The following RBFOX1 variants were observed in gnomAD, a reference collection of about 807,000 sequenced individuals.
The protein encoded by RBFOX1 is RNA binding protein fox-1 homolog 1.
In RBFOX1, 8 loss-of-function variants were observed where a neutral mutation model predicts 57.7. The observed-to-expected ratio is 0.14, with a 90% CI of 0.08 to 0.25. The LOEUF (loss-of-function observed/expected upper bound fraction) is 0.25, where lower values mean the gene tolerates loss of function less well. Among genes scored for constraint, RBFOX1 ranks in the 10% least tolerant of loss-of-function variants. The pLI is 1.00. For missense variants in RBFOX1, 611 were observed against 548.5 expected (o/e 1.11, Z -1.14); for synonymous variants, 326 against 222.4 (o/e 1.47, Z -4.15).
chr16:5,640,612 A>G (rs1403956393), intron 3 of RBFOX1, among the ~76,000 whole-genome samples: 4 of 152,116 alleles, frequency 2.6e-5, no homozygotes, highest in Non-Finnish European at 5.9e-5. Context: ...ACACATGCGC[A>G]TACATATGCA....
At chr16:6,116,690 C>T (rs1261325524) in intron 1 of RBFOX1, among the ~76,000 whole-genome samples, 3 of 152,132 alleles carry the variant, frequency 2.0e-5, no homozygotes, top group Admixed American at 6.5e-5. Flanking sequence ...CTTTCATTGC[C>T]GTTTAATCAA....
At chr16:7,464,401 A>G (rs2060119351) in intron 4 of RBFOX1, among the ~76,000 whole-genome samples, 1 of 152,050 alleles carries the variant, frequency 6.6e-6, no homozygotes, top group Non-Finnish European at 1.5e-5. Context: ...ATCCAAGATC[A>G]AACAAGACAT....
chr16:7,473,674 AAAAG>A (rs1157997775), intron 4 of RBFOX1, among the ~76,000 whole-genome samples: 1 of 152,104 alleles, frequency 6.6e-6, no homozygotes, highest in Non-Finnish European at 1.5e-5. Context: ...TAATGGTTAA[AAAAG>A]AAAGAGAGAG....
In RBFOX1 at chr16:6,414,134, T is replaced by C. The variant is rs75659614; in HGVS notation, c.-64+97077T>C. Among the ~76,000 whole-genome samples, 2,501 of 152,222 alleles carry C rather than the reference T, an allele frequency of 0.016. 168 individuals carry two copies. The East Asian group carries it at 0.23, about 14-fold the overall frequency. On this transcript the variant is annotated intron_variant, in intron 2 of 15. Coordinates refer to ENST00000550418, the MANE Select transcript of RBFOX1 (RefSeq NM_018723.4). Reference sequence around the variant, plus strand: ...CTCCCAAGAGAGCCAGCACAGGCCCTTGGACAATGAAAAACTCTTGGAGGC... The same window carrying C: ...CTCCCAAGAGAGCCAGCACAGGCCCCTGGACAATGAAAAACTCTTGGAGGC...
chr16:5,599,309 G>A (rs958865325), exon 3 of RBFOX1: 39 of 622,948 alleles, frequency 6.3e-5, no homozygotes, highest in Admixed American at 5.6e-4. Context: ...GTGGGAGCAC[G>A]TGAAAGAAGT....
chr16:6,771,522 G>T (rs925437871), intron 3 of RBFOX1, among the ~76,000 whole-genome samples: 2 of 152,070 alleles, frequency 1.3e-5, no homozygotes, highest in Non-Finnish European at 2.9e-5. Context: ...CTAGCAAGCT[G>T]AAGCCAACAC....
chr16:5,255,865 C>G (rs9932214), intron 1 of RBFOX1, among the ~76,000 whole-genome samples: 50,717 of 151,582 alleles, frequency 0.33, 8,622 homozygotes, highest in African/African-American at 0.41. Flanking sequence ...GAGCTGCCTC[C>G]TAGCTAGCTG....
At chr16:5,709,997 G>A (rs927604052) in intron 3 of RBFOX1, among the ~76,000 whole-genome samples, 1 of 150,152 alleles carries the variant, frequency 6.7e-6, no homozygotes, top group African/African-American at 2.5e-5. Context: ...TAACTCAGGC[G>A]CATTGGGTTC....
intron 3 of RBFOX1, among the ~76,000 whole-genome samples, chr16:5,848,915 C>G (rs1567620962): frequency 6.6e-6 from 1 of 151,970 alleles, no homozygotes. Flanking sequence ...TGCCACTGCA[C>G]TTCAGCCTGG....
In RBFOX1 at chr16:6,819,718, AAAAAAAAAAAAAAT is replaced by A. The variant is rs1249478661; in HGVS notation, c.-16+165071_-16+165084del. On this transcript the variant is annotated intron_variant, in intron 3 of 15. Transcript: ENST00000550418. ...GAAACTCTGACTCAAAAAAAAAAAA[AAAAAAAAAAAAAAT>A]AACAACACCAAAAGGTATATAGTAT... Among the ~76,000 whole-genome samples the A allele has an allele frequency of 4.8e-5, 7 of 145,404 alleles. No individual in the cohort carries two copies. The South Asian group carries it at 9.0e-4, about 19-fold the overall frequency.
At chr16:6,546,910 C>G (rs1393890616) in intron 2 of RBFOX1, among the ~76,000 whole-genome samples, 1 of 152,274 alleles carries the variant, frequency 6.6e-6, no homozygotes, top group East Asian at 1.9e-4. Flanking sequence ...GTGGACCACA[C>G]AGTTTTCAAA....
At chr16:5,780,027 G>A (rs537331794) in intron 3 of RBFOX1, among the ~76,000 whole-genome samples, 2 of 152,286 alleles carry the variant, frequency 1.3e-5, no homozygotes, top group South Asian at 2.1e-4. Flanking sequence ...TTTTCAAGAC[G>A]GAGTCTTGCT....
chr16:6,614,533 T>C (rs1473682971), intron 2 of RBFOX1, among the ~76,000 whole-genome samples: 1 of 152,166 alleles, frequency 6.6e-6, no homozygotes, highest in East Asian at 1.9e-4. Flanking sequence ...TAACTGAGTA[T>C]CACAGACTGG....
chr16:6,763,751 G>T (rs901394925), intron 3 of RBFOX1, among the ~76,000 whole-genome samples: 2 of 152,316 alleles, frequency 1.3e-5, no homozygotes, highest in African/African-American at 4.8e-5. Flanking sequence ...AAAACCACTG[G>T]ACGGATTCCA....
chr16:5,655,048 G>A (rs1299348070), intron 3 of RBFOX1, among the ~76,000 whole-genome samples: 1 of 152,162 alleles, frequency 6.6e-6, no homozygotes, highest in African/African-American at 2.4e-5. Context: ...TAGTGAGGAC[G>A]CACACACTAG....
intron 3 of RBFOX1, among the ~76,000 whole-genome samples, chr16:7,001,095 T>A (rs1344422903): frequency 6.6e-6 from 1 of 152,202 alleles, no homozygotes; most frequent in East Asian, 1.9e-4. Flanking sequence ...AGAGTTCATG[T>A]GAGAAAAATA....
At chr16:5,562,482 C>T (rs1244605489) in intron 2 of RBFOX1, among the ~76,000 whole-genome samples, 1 of 148,930 alleles carries the variant, frequency 6.7e-6, no homozygotes, top group East Asian at 2.0e-4. Context: ...GAGCAATTCT[C>T]CAGGGCCAGG....
intron 3 of RBFOX1, among the ~76,000 whole-genome samples, chr16:6,976,295 C>A (rs952975743): frequency 6.6e-6 from 1 of 152,156 alleles, no homozygotes; most frequent in African/African-American, 2.4e-5. Flanking sequence ...AATTTGAACA[C>A]AGGCATTCTG....
intron 3 of RBFOX1, among the ~76,000 whole-genome samples, chr16:6,872,139 T>C (rs1335725742): frequency 2.0e-5 from 3 of 152,200 alleles, no homozygotes; most frequent in Admixed American, 6.5e-5. Flanking sequence ...CGCTTTCTTT[T>C]CCACCAAATG....
Sources: allele counts gnomAD v4.1 joint callset (sites outside exome capture counted in the v4.1 genomes callset), GRCh38; gene constraint gnomAD v4.1.1; transcripts MANE v1.5; gene names NCBI Gene and HGNC (gene_info 2026-07-23, HGNC 2026-07-21).